Variants in TMEM214 observed in about 807,000 individuals in gnomAD.
TMEM214 encodes transmembrane protein 214.
Under a neutral mutation model 89.8 loss-of-function variants are expected in TMEM214, and 71 were observed. The ratio of observed to expected loss-of-function variants is 0.79; its 90% CI spans 0.65 to 0.96. TMEM214 has a LOEUF of 0.96. Ranked by LOEUF, TMEM214 falls within the 40% of genes least tolerant of loss-of-function variation. The pLI is 0.00. For synonymous variants in TMEM214, 332 were observed against 349.5 expected (o/e 0.95, Z 0.56); for missense variants, 754 against 843.4 (o/e 0.89, Z 1.31).
At chr2:27,035,861 AGTT>A in intron 4 of TMEM214, 106 bp from the exon 5 acceptor site, 1 of 1,578,124 alleles carries the variant, frequency 6.3e-7, no homozygotes, top group Non-Finnish European at 8.7e-7. Flanking sequence ...GTGTGGAGGA[AGTT>A]AGGAGTCAGT....
chr2:27,034,303 G>C, intron 2 of TMEM214, 37 bp downstream of exon 2: 1 of 1,605,448 alleles, frequency 6.2e-7, no homozygotes, highest in Non-Finnish European at 8.5e-7. Context: ...GAAAGAATGG[G>C]GGCTTGAGAT....
intron 8 of TMEM214, 142 bp from the exon 9 acceptor site, chr2:27,037,419 T>C (rs1405299548): frequency 9.1e-7 from 1 of 1,097,976 alleles, no homozygotes; most frequent in Non-Finnish European, 1.3e-6. Flanking sequence ...AAGGAGTCTC[T>C]GAGTAAAAAG....
rs1204290326 is a variant in TMEM214 at position 27,039,821 on chromosome 2, A to G, written c.1606A>G (p.Ser536Gly). 6 of 1,614,188 alleles carry G rather than the reference A, an allele frequency of 3.7e-6. No individual in the cohort carries two copies. The highest frequency in any genetic ancestry group is 4.5e-5 in the East Asian group (2 of 44,876). ...AGCGTGTGCCAAGCTCTACTCCTAC[A>G]GTCTGCAAGGCTACAGGTGAGCTCC... The part of the protein sequence containing the change: ...QQACAKLYSY[S>G]LQGYSWLGET... The change falls in exon 14 of 17, where the codon AGT becomes GGT. Residue 536 changes from serine (S) to glycine (G), a missense_variant. By Grantham distance (56) the Ser-to-Gly change is moderately conservative. Coordinates refer to ENST00000238788, the MANE Select transcript of TMEM214 (RefSeq NM_017727.5).
chr2:27,038,444 G>T lies in TMEM214; in HGVS notation c.1245-40G>T, dbSNP rs142984341. On this transcript the variant is annotated intron_variant, in intron 10 of 16. Coordinates refer to ENST00000238788, the MANE Select transcript of TMEM214 (RefSeq NM_017727.5). The surrounding 1 kb of genome is among the most constrained non-coding windows in gnomAD (Gnocchi z 4.4). Reference sequence around the variant, plus strand: ...GGAGGACAGGAGGATGGGTGAGGCTGCGCGAGCCACCTGACTAGGGGGTTG... The same window carrying T: ...GGAGGACAGGAGGATGGGTGAGGCTTCGCGAGCCACCTGACTAGGGGGTTG... 6.2e-7 allele frequency: 1 copy of T among 1,612,530 alleles called. No homozygotes were observed. The highest frequency in any genetic ancestry group is 8.5e-7 in the Non-Finnish European group (1 of 1,179,414).
intron 13 of TMEM214, 185 bp downstream of exon 13, chr2:27,039,349 G>T: frequency 1.6e-6 from 1 of 607,530 alleles, no homozygotes; most frequent in South Asian, 2.0e-5. Flanking sequence ...GATTGGACTA[G>T]GACTTCGCAG....
At position 27,034,361 on chromosome 2, in the gene TMEM214, A is replaced by T. The variant is rs566634051; in HGVS notation, c.351+95A>T. 5 of 1,392,932 alleles carry T rather than the reference A, an allele frequency of 3.6e-6. No individual in the cohort carries two copies. The African/African-American group carries it at 7.2e-5, about 20-fold the overall frequency. 86.3% of individuals were successfully genotyped at this position (1,392,932 alleles called of 1,614,324 possible). ...GAGGTGGATGGGCAGCTGAGATCCTATGGGATTTGAAACACTTTAAGGGTT... is the reference window on the plus strand; with the variant it reads ...GAGGTGGATGGGCAGCTGAGATCCTTTGGGATTTGAAACACTTTAAGGGTT... On this transcript the variant is annotated intron_variant, in intron 2 of 16. Coordinates refer to ENST00000238788, the MANE Select transcript of TMEM214 (RefSeq NM_017727.5).
intron 7 of TMEM214, 68 bp from the exon 8 acceptor site, chr2:27,037,009 T>G: frequency 1.4e-6 from 2 of 1,423,370 alleles, no homozygotes. Flanking sequence ...TTGGCTTAGC[T>G]GGGGTCATGG....
chr2:27,039,632 C>T lies in TMEM214; in HGVS notation c.1526-109C>T, dbSNP rs1667730053. 6 of 983,746 alleles carry T rather than the reference C, an allele frequency of 6.1e-6. No individual in the cohort carries two copies. In the East Asian group the frequency reaches 1.4e-4, roughly 23 times the overall value. 60.9% of individuals were successfully genotyped at this position (983,746 alleles called of 1,614,324 possible). On this transcript the variant is annotated intron_variant, in intron 13 of 16. Transcript: ENST00000238788. ...CTGGCTTTGTGGCCCTGTGAGAACA[C>T]AAAGCTCTGCCCAGCGCCTCGCTGT...
chr2:27,036,463 T>G (rs1294397806), intron 5 of TMEM214, 24 bp from the exon 6 acceptor site: 1 of 1,597,822 alleles, frequency 6.3e-7, no homozygotes, highest in Non-Finnish European at 8.6e-7. Context: ...TATCCCAATC[T>G]GCCTTCCCCA....
chr2:27,036,406 A>G, intron 5 of TMEM214, 81 bp from the exon 6 acceptor site: 1 of 1,180,704 alleles, frequency 8.5e-7, no homozygotes, highest in Non-Finnish European at 1.3e-6. Context: ...TCCAGTTGAC[A>G]TCTCCCTTCC....
At position 27,038,205 on chromosome 2, in the gene TMEM214, G is replaced by A. The variant is rs750301463; in HGVS notation, c.1212G>A (p.Arg404=). 2.5e-6 allele frequency: 4 copies of A among 1,614,196 alleles called. No individual in the cohort carries two copies. The South Asian group carries it at 3.3e-5, about 13-fold the overall frequency. Residue 404 remains arginine, a synonymous_variant, in exon 10 of 17, where the codon AGG becomes AGA. Coordinates refer to ENST00000238788, the MANE Select transcript of TMEM214 (RefSeq NM_017727.5). The surrounding 1 kb of genome is among the most constrained non-coding windows in gnomAD (Gnocchi z 4.4). ...ACCCCCTCAGTGCCAGCGTCTGGAG[G>A]CAGCTGTACCCTAAGCACCTGTCAC... The part of the protein sequence containing the change: ...TVDPLSASVW[R]QLYPKHLSQS...
At chr2:27,034,001 C>G in intron 1 of TMEM214, 66 bp from the exon 2 acceptor site, 1 of 1,540,508 alleles carries the variant, frequency 6.5e-7, no homozygotes, top group Admixed American at 1.7e-5. Context: ...GGGAAAGGGA[C>G]CACTGATAGG....
chr2:27,036,831 A>G, intron 7 of TMEM214, 45 bp downstream of exon 7: 2 of 1,596,754 alleles, frequency 1.3e-6, no homozygotes, highest in Non-Finnish European at 1.7e-6. Context: ...GGGTGTCCCA[A>G]GTGGCTGTTA....
At position 27,035,579 on chromosome 2, in the gene TMEM214, G is replaced by T. The variant is rs1446622863; in HGVS notation, c.503-15G>T. The T allele has an allele frequency of 5.6e-6, 9 of 1,614,024 alleles. No individual in the cohort carries two copies. The highest frequency in any genetic ancestry group is 7.6e-6 in the Non-Finnish European group (9 of 1,180,018). On this transcript the variant is annotated splice_polypyrimidine_tract_variant and intron_variant, in intron 3 of 16. Coordinates refer to ENST00000238788, the MANE Select transcript of TMEM214 (RefSeq NM_017727.5). ...GTCTGGTCCTAGCACTCACATTGAG[G>T]CCTATGGGCCTTAGATTATCCCTAC... is the stretch of plus-strand genomic sequence containing the variant.
intron 9 of TMEM214, 49 bp downstream of exon 9, chr2:27,037,751 A>T (rs1558398271): frequency 1.9e-6 from 3 of 1,613,916 alleles, no homozygotes; most frequent in Non-Finnish European, 2.5e-6. Context: ...GGTCAGCTGT[A>T]GCGGTCCCTA....
At chr2:27,034,482 G>A (rs1041762684) in intron 2 of TMEM214, 4 of 573,122 alleles carry the variant, frequency 7.0e-6, no homozygotes, top group African/African-American at 5.6e-5. Context: ...AACATGGATT[G>A]GTAAGAGGAA....
rs1264191414 is a variant in TMEM214 at position 27,040,103 on chromosome 2, T to G, written c.1696T>G (p.Trp566Gly). 12 of 1,609,440 alleles carry G rather than the reference T, an allele frequency of 7.5e-6. No individual in the cohort carries two copies. The South Asian group carries it at 1.3e-4, about 18-fold the overall frequency. Reference sequence around the variant, plus strand: ...GGTGCGGCCCAGCTTGCAGCTGGCCTGGGCTCACACCAATGCCACAGTCAG... The same window carrying G: ...GGTGCGGCCCAGCTTGCAGCTGGCCGGGGCTCACACCAATGCCACAGTCAG... Reference protein sequence around the residue: ...TVVRPSLQLAWAHTNATVSFL... With the variant: ...TVVRPSLQLAGAHTNATVSFL... The change falls in exon 15 of 17, where the codon TGG becomes GGG. Residue 566 changes from tryptophan (W) to glycine (G), a missense_variant. Physicochemically the swap from Trp to Gly is radical, Grantham distance 184. Coordinates refer to ENST00000238788, the MANE Select transcript of TMEM214 (RefSeq NM_017727.5).
At position 27,034,286 on chromosome 2, in the gene TMEM214, A is replaced by G. The variant is rs369575376; in HGVS notation, c.351+20A>G. 1.9e-6 allele frequency: 3 copies of G among 1,610,996 alleles called. No homozygotes were observed. In the African/African-American group the frequency reaches 4.0e-5, roughly 22 times the overall value. ...AAAGCTGTGAGTGTGCCTAGACATG[A>G]GACGCAGAAAGAATGGGGGCTTGAG... is the stretch of plus-strand genomic sequence containing the variant. On this transcript the variant is annotated intron_variant, in intron 2 of 16. Coordinates refer to ENST00000238788, the MANE Select transcript of TMEM214 (RefSeq NM_017727.5).
Position 27,040,385 on chromosome 2 carries a change from G to A in TMEM214, c.1832G>A (p.Arg611His), listed in dbSNP as rs758813086. 6.8e-6 allele frequency: 11 copies of A among 1,614,168 alleles called. No homozygotes were observed. The highest frequency in any genetic ancestry group is 1.7e-5 in the Admixed American group (1 of 60,028). Reference sequence around the variant, plus strand: ...CCCGATTCCGTGAATCAGCTACTCCGCTATCTGAGAGAGCTGCCCCTGCTT... The same window carrying A: ...CCCGATTCCGTGAATCAGCTACTCCACTATCTGAGAGAGCTGCCCCTGCTT... The part of the protein sequence containing the change: ...QLPDSVNQLL[R>H]YLRELPLLFH... Residue 611 changes from arginine to histidine, a missense_variant, in exon 16 of 17, where the codon CGC (arginine) becomes CAC (histidine). Coordinates refer to ENST00000238788, the MANE Select transcript of TMEM214 (RefSeq NM_017727.5).
Sources: allele counts gnomAD v4.1 joint callset, GRCh38; gene constraint gnomAD v4.1.1; non-coding constraint Gnocchi (gnomAD v3.1); transcripts MANE v1.5; gene names NCBI Gene and HGNC (gene_info 2026-07-23, HGNC 2026-07-21).